KCNIP4: variants seen among roughly 807,000 people sequenced by gnomAD.
KCNIP4 encodes Kv channel-interacting protein 4.
In KCNIP4, 12 loss-of-function variants were observed where a neutral mutation model predicts 34.0. The observed-to-expected ratio is 0.35, with a 90% CI of 0.23 to 0.57. The LOEUF is 0.57. Among genes scored for constraint, KCNIP4 ranks in the 20% least tolerant of loss-of-function variants. KCNIP4 has a pLI of 0.83. For missense variants in KCNIP4, 238 were observed against 311.7 expected (o/e 0.76, Z 1.78); for synonymous variants, 124 against 102.2 (o/e 1.21, Z -1.29).
intron 1 of KCNIP4, among the ~76,000 whole-genome samples, chr4:21,434,773 A>G (rs76631307): frequency 0.03 from 2,908 of 96,114 alleles, 118 homozygotes; most frequent in East Asian, 0.3. Context: ...TGTGGGGGGA[A>G]AAAAAAAAAA....
chr4:21,592,453 A>C (rs1742293657), intron 1 of KCNIP4, among the ~76,000 whole-genome samples: 1 of 152,152 alleles, frequency 6.6e-6, no homozygotes, highest in African/African-American at 2.4e-5. Flanking sequence ...TAGACAAAAC[A>C]GAAATTATCA....
At chr4:20,745,781 A>G (rs866939436) in intron 5 of KCNIP4, among the ~76,000 whole-genome samples, 10 of 152,162 alleles carry the variant, frequency 6.6e-5, no homozygotes, top group African/African-American at 2.2e-4. Context: ...GCTGGCCACT[A>G]TGCTGGGGAC....
chr4:21,181,512 G>GCATC lies in KCNIP4; in HGVS notation c.62-298807_62-298804dup, dbSNP rs544807545. 1.3e-3 allele frequency among the ~76,000 whole-genome samples: 202 copies of GCATC among 152,102 alleles called. 1 individual carries two copies. The highest frequency in any genetic ancestry group is 4.5e-3 in the African/African-American group (186 of 41,504). ...TTTGGATTCTCATCCATACGTTCAT[G>GCATC]CATCCATCCATCCATCCATCCAAAC... On this transcript the variant is annotated intron_variant, in intron 1 of 8. Coordinates refer to ENST00000382152, the MANE Select transcript of KCNIP4 (RefSeq NM_025221.6).
chr4:21,712,906 C>T (rs955846043), intron 1 of KCNIP4, among the ~76,000 whole-genome samples: 2 of 152,110 alleles, frequency 1.3e-5, no homozygotes, highest in African/African-American at 2.4e-5. Flanking sequence ...TATTAAACAC[C>T]TTGGAAAGAT....
At chr4:20,853,065 A>C (rs1177385788) in intron 2 of KCNIP4, among the ~76,000 whole-genome samples, 1 of 152,200 alleles carries the variant, frequency 6.6e-6, no homozygotes, top group East Asian at 1.9e-4. Context: ...TGCCAAAAGC[A>C]ATCTACAAAT....
At chr4:21,053,516 A>T (rs1743117944) in intron 1 of KCNIP4, among the ~76,000 whole-genome samples, 1 of 152,220 alleles carries the variant, frequency 6.6e-6, no homozygotes, top group Non-Finnish European at 1.5e-5. Context: ...GCTAGCTAAG[A>T]AAAACAAGAC....
intron 1 of KCNIP4, among the ~76,000 whole-genome samples, chr4:21,861,660 A>G (rs1725085036): frequency 6.6e-6 from 1 of 151,036 alleles, no homozygotes; most frequent in African/African-American, 2.4e-5. Flanking sequence ...CCGTCTCAAA[A>G]AAAAAAAAAA....
chr4:21,098,463 G>A (rs2163931), intron 1 of KCNIP4, among the ~76,000 whole-genome samples: 24,255 of 152,076 alleles, frequency 0.16, 2,045 homozygotes, highest in East Asian at 0.23. Flanking sequence ...AATTGAAGCC[G>A]ATACTCATTT....
At chr4:21,349,679 C>T (rs1578112635) in intron 1 of KCNIP4, among the ~76,000 whole-genome samples, 1 of 152,112 alleles carries the variant, frequency 6.6e-6, no homozygotes, top group Non-Finnish European at 1.5e-5. Context: ...TGGCAGCCAC[C>T]AGAGCCCTGG....
intron 1 of KCNIP4, among the ~76,000 whole-genome samples, chr4:21,868,278 A>G (rs1313464403): frequency 6.6e-6 from 1 of 152,192 alleles, no homozygotes; most frequent in Non-Finnish European, 1.5e-5. Flanking sequence ...AAACTGTACT[A>G]TTTCCAATAA....
At chr4:21,100,596 C>T (rs1002657374) in intron 1 of KCNIP4, among the ~76,000 whole-genome samples, 2 of 151,988 alleles carry the variant, frequency 1.3e-5, no homozygotes, top group Non-Finnish European at 2.9e-5. Context: ...GCCACACAAC[C>T]TTCAGCAACC....
chr4:21,325,364 T>C (rs992408368), intron 1 of KCNIP4, among the ~76,000 whole-genome samples: 2 of 151,866 alleles, frequency 1.3e-5, no homozygotes, highest in Admixed American at 1.3e-4. Flanking sequence ...CTACTTATTT[T>C]AGGTTTTCCA....
chr4:21,256,548 A>C (rs149846929), intron 1 of KCNIP4, among the ~76,000 whole-genome samples: 2,241 of 152,142 alleles, frequency 0.015, 28 homozygotes, highest in South Asian at 0.026. Context: ...GCAGTGAGCT[A>C]TGATTATGCC....
At chr4:20,736,801 C>T (rs1404814400) in intron 5 of KCNIP4, among the ~76,000 whole-genome samples, 2 of 152,060 alleles carry the variant, frequency 1.3e-5, no homozygotes, top group African/African-American at 4.8e-5. Context: ...AAGACAAAAA[C>T]AGAAATAATT....
At chr4:20,820,838 C>T (rs1003322423) in intron 3 of KCNIP4, among the ~76,000 whole-genome samples, 15 of 152,182 alleles carry the variant, frequency 9.9e-5, no homozygotes, top group Admixed American at 6.5e-5. Flanking sequence ...TTTGGCTGCT[C>T]CAGCATGGCT....
chr4:21,103,608 A>C (rs866742262), intron 1 of KCNIP4, among the ~76,000 whole-genome samples: 65 of 150,930 alleles, frequency 4.3e-4, no homozygotes, highest in African/African-American at 1.4e-3. Flanking sequence ...TTATACTTTA[A>C]GTTTTAGGGT....
intron 1 of KCNIP4, among the ~76,000 whole-genome samples, chr4:21,234,659 T>C (rs1759214563): frequency 6.8e-6 from 1 of 147,270 alleles, no homozygotes; most frequent in Non-Finnish European, 1.5e-5. Flanking sequence ...ATATGTTATA[T>C]ATATATTTTA....
At chr4:21,124,839 G>A (rs1407374096) in intron 1 of KCNIP4, among the ~76,000 whole-genome samples, 1 of 152,048 alleles carries the variant, frequency 6.6e-6, no homozygotes, top group African/African-American at 2.4e-5. Context: ...TCTCCCTCAA[G>A]AGCATGATCT....
At position 21,316,563 on chromosome 4, in the gene KCNIP4, T is replaced by C. The variant is rs147453271; in HGVS notation, c.62-433854A>G. 9.8e-5 allele frequency: 15 copies of C among 152,326 alleles called. No homozygotes were observed. The East Asian group carries it at 2.9e-3, about 29-fold the overall frequency. 9.4% of individuals were successfully genotyped at this position (152,326 alleles called of 1,614,324 possible). A position where few individuals can be genotyped will look rare whatever the true frequency, so the allele number is the denominator to read the frequency against. On this transcript the variant is annotated intron_variant, in intron 1 of 8. Coordinates refer to ENST00000382152, the MANE Select transcript of KCNIP4 (RefSeq NM_025221.6). ...ACACCATGATATAACAGATTTTCAT[T>C]TGTCACCTTTGCGCATGAAAAGTGA...
Sources: allele counts gnomAD v4.1 joint callset (sites outside exome capture counted in the v4.1 genomes callset), GRCh38; gene constraint gnomAD v4.1.1; transcripts MANE v1.5; gene names NCBI Gene and HGNC (gene_info 2026-07-23, HGNC 2026-07-21).